Variants in GZMM observed in about 807,000 individuals in gnomAD.
GZMM encodes the protein HU-Met-1.
GZMM carries 23 observed loss-of-function variants against 19.2 expected under a neutral mutation model. The ratio of observed to expected loss-of-function variants is 1.20; its 90% CI spans 0.86 to 1.69. The LOEUF is 1.69. GZMM is among the 40% of genes most tolerant of loss of function. GZMM has a pLI of 0.00. For missense variants in GZMM, 373 were observed against 352.2 expected (o/e 1.06, Z -0.47); for synonymous variants, 178 against 160.2 (o/e 1.11, Z -0.84).
chr19:548,867 C>A, intron 3 of GZMM, 55 bp from the exon 4 acceptor site: 1 of 898,946 alleles, frequency 1.1e-6, no homozygotes, highest in East Asian at 2.9e-5. Flanking sequence ...CCGCCCCCCG[C>A]CCCCGCACTC....
chr19:545,198 C>T (rs2145857768), intron 1 of GZMM, among the ~76,000 whole-genome samples: 1 of 152,218 alleles, frequency 6.6e-6, no homozygotes, highest in East Asian at 1.9e-4. Flanking sequence ...AAGAGACAGG[C>T]CAGGCATGAG....
intron 1 of GZMM, among the ~76,000 whole-genome samples, chr19:545,125 C>T (rs1046503282): frequency 1.3e-5 from 2 of 151,014 alleles, no homozygotes; most frequent in South Asian, 2.1e-4. Context: ...TCCCGTGCTT[C>T]TGTGTATCCA....
In GZMM at chr19:548,650, C is replaced by G. The variant is rs752679367; in HGVS notation, c.321C>G (p.Ala107=). Residue 107 remains alanine, a synonymous_variant, in exon 3 of 5, where the codon GCC becomes GCG. Transcript: ENST00000264553. ...ACCCTCGCTACAAGCCCGTCCCTGC[C>G]CTGGAGAACGACCTCGCGCTGCTTC... The part of the protein sequence containing the change: ...IQHPRYKPVP[A]LENDLALLQL... The G allele has an allele frequency of 2.5e-6, 4 of 1,613,540 alleles. No homozygotes were observed. Among genetic ancestry groups the G allele is most frequent in the Non-Finnish European group, 3.4e-6 (4 of 1,179,784 alleles).
At position 547,343 on chromosome 19, in the gene GZMM, T is replaced by C. The variant is rs763964114; in HGVS notation, c.119T>C (p.Met40Thr). The change falls in exon 2 of 5, where the codon ATG becomes ACG. Residue 40 changes from methionine to threonine, a missense_variant. Physicochemically the swap from Met to Thr is moderately conservative, Grantham distance 81. Transcript: ENST00000264553. ...GTGATCCCCCACTCGCGCCCGTACA[T>C]GGCCTCACTGCAGAGAAATGGCTCC... ...REVIPHSRPY[M>T]ASLQRNGSHL... The C allele has an allele frequency of 7.0e-6, 11 of 1,579,388 alleles. No individual in the cohort carries two copies. The African/African-American group carries it at 9.6e-5, about 14-fold the overall frequency.
rs1173378316 is a variant in GZMM, at chr19:549,122, C to T, written c.549C>T (p.Asn183=). 17 of 1,580,466 alleles carry T rather than the reference C, an allele frequency of 1.1e-5. No individual in the cohort carries two copies. The South Asian group carries it at 1.2e-4, about 11-fold the overall frequency. ...TRMCNNSRFW[N]GSLSPSMVCL... is the part of the protein sequence containing the mutation. ...TGTGTAACAACAGCCGCTTCTGGAA[C>T]GGCAGCCTCTCCCCCAGCATGGTCT... Residue 183 remains asparagine, a synonymous_variant, in exon 4 of 5, where the codon AAC becomes AAT. Transcript: ENST00000264553.
At chr19:549,481 G>A (rs1980429293) in intron 4 of GZMM, 149 bp from the exon 5 acceptor site, 5 of 808,658 alleles carry the variant, frequency 6.2e-6, no homozygotes, top group African/African-American at 3.5e-5. Flanking sequence ...AGCGGGAGAT[G>A]GGGAGGGGAC....
Position 544,069 on chromosome 19 carries a change from G to T in GZMM, c.-3G>T, listed in dbSNP as rs776099449. The T allele has an allele frequency of 7.1e-6, 11 of 1,548,126 alleles. No individual in the cohort carries two copies. The Admixed American group carries it at 1.8e-4, about 25-fold the overall frequency. ...AGCACCCACACTGGGTCTCCACAGC[G>T]GCATGGAGGCCTGCGTGTCTTCACT... On this transcript the variant is annotated 5_prime_UTR_variant, in exon 1 of 5. Coordinates refer to ENST00000264553, the MANE Select transcript of GZMM (RefSeq NM_005317.4).
chr19:545,648 A>ATTT (rs1371255813), intron 1 of GZMM, among the ~76,000 whole-genome samples: 2 of 99,238 alleles, frequency 2.0e-5, no homozygotes, highest in African/African-American at 8.2e-5. Context: ...CGCCCGGCCT[A>ATTT]TTTTTTTTTT....
At chr19:547,563 C>T (rs1476559089) in intron 2 of GZMM, 127 bp downstream of exon 2, 1 of 690,332 alleles carries the variant, frequency 1.4e-6, no homozygotes, top group East Asian at 3.4e-5. Flanking sequence ...CCGGTGACGA[C>T]TTAGGCAGGT....
chr19:547,404 GGT>G lies in GZMM; in HGVS notation c.182_183del (p.Val61AlafsTer74), dbSNP rs755991300. 3.3e-6 allele frequency: 5 copies of G among 1,501,958 alleles called. No homozygotes were observed. Among genetic ancestry groups the G allele is most frequent in the Non-Finnish European group, 4.4e-6 (5 of 1,124,498 alleles). The allele number at this position is 1,501,958 out of a possible 1,614,324, so 93.0% of individuals were successfully genotyped here. A position where few individuals can be genotyped will look rare whatever the true frequency, so the allele number is the denominator to read the frequency against. ...CGGVLVHPKWVLTAAHCLAQR... is the reference protein window; with the variant it reads ...CGGVLVHPKWXLTAAHCLAQR... ...GGGGTGTCCTGGTGCACCCAAAGTG[GGT>G]GCTGACGGCTGCCCACTGCCTGGCC... On this transcript the variant is annotated frameshift_variant, in exon 2 of 5. Coordinates refer to ENST00000264553, the MANE Select transcript of GZMM (RefSeq NM_005317.4). LOFTEE classifies it high-confidence loss of function.
At chr19:546,412 G>A (rs747706923) in intron 1 of GZMM, among the ~76,000 whole-genome samples, 4 of 151,756 alleles carry the variant, frequency 2.6e-5, no homozygotes, top group Non-Finnish European at 2.9e-5. Flanking sequence ...GTGGTGATGC[G>A]CTTCTGTAAT....
In GZMM at chr19:547,223, C is replaced by T. The variant is rs146184990; in HGVS notation, c.56-57C>T. On this transcript the variant is annotated intron_variant, in intron 1 of 4. Transcript: ENST00000264553. ...CCTCTGAGCTGGGCAAGGACAGTCG[C>T]AGCAGGCAGCAGGGGCATGTAGCCC... is the stretch of plus-strand genomic sequence containing the variant. 1,588 of 1,418,498 alleles carry T rather than the reference C, an allele frequency of 1.1e-3. 17 individuals are homozygous for T. In the African/African-American group the frequency reaches 0.021, roughly 18 times the overall value. The allele number at this position is 1,418,498 out of a possible 1,614,324, so 87.9% of individuals were successfully genotyped here.
Position 547,276 on chromosome 19 carries a change from G to T in GZMM, c.56-4G>T. ...ACCTGGCTCTTTGTCCCCCATCCTG[G>T]CAGGCAGCTCCTTTGGGACCCAGAT... On this transcript the variant is annotated splice_polypyrimidine_tract_variant and splice_region_variant and intron_variant, in intron 1 of 4. Coordinates refer to ENST00000264553, the MANE Select transcript of GZMM (RefSeq NM_005317.4). 1 of 1,504,184 alleles carries T rather than the reference G, an allele frequency of 6.6e-7. No homozygotes were observed. Among genetic ancestry groups the T allele is most frequent in the Non-Finnish European group, 8.9e-7 (1 of 1,125,580 alleles). 93.2% of individuals were successfully genotyped at this position (1,504,184 alleles called of 1,614,324 possible). A position where few individuals can be genotyped will look rare whatever the true frequency, so the allele number is the denominator to read the frequency against.
At chr19:546,796 C>A (rs1044516280) in intron 1 of GZMM, among the ~76,000 whole-genome samples, 11 of 151,944 alleles carry the variant, frequency 7.2e-5, no homozygotes, top group Admixed American at 6.6e-4. Context: ...CGAGATCGTG[C>A]CATTGCACTC....
chr19:549,918 TCAGAGCC>T, exon 5 of GZMM: 1 of 740,280 alleles, frequency 1.4e-6, no homozygotes. Context: ...GAAGAAACGC[TCAGAGCC>T]CGCCTGAGTC....
chr19:547,266 C>T lies in GZMM; in HGVS notation c.56-14C>T, dbSNP rs962279423. The T allele has an allele frequency of 2.7e-6, 4 of 1,497,224 alleles. No individual in the cohort carries two copies. The East Asian group carries it at 7.7e-5, about 29-fold the overall frequency. The allele number at this position is 1,497,224 out of a possible 1,614,324, so 92.7% of individuals were successfully genotyped here. On this transcript the variant is annotated splice_polypyrimidine_tract_variant and intron_variant, in intron 1 of 4. Transcript: ENST00000264553. ...TGTAGCCCCAACCTGGCTCTTTGTC[C>T]CCCATCCTGGCAGGCAGCTCCTTTG...
In GZMM at chr19:549,073, A is replaced by G; in HGVS notation, c.500A>G (p.Asp167Gly). The change falls in exon 4 of 5, where the codon GAC becomes GGC. Residue 167 changes from aspartate to glycine, a missense_variant. Coordinates refer to ENST00000264553, the MANE Select transcript of GZMM (RefSeq NM_005317.4). ...GRLSRVLREL[D>G]LQVLDTRMCN... ...CTGTCCCGGGTGCTGCGGGAGCTGG[A>G]CCTCCAAGTGCTGGACACCCGCATG... 1 of 1,589,664 alleles carries G rather than the reference A, an allele frequency of 6.3e-7. No individual in the cohort carries two copies. Among genetic ancestry groups the G allele is most frequent in the Non-Finnish European group, 8.5e-7 (1 of 1,169,708 alleles).
In GZMM at chr19:544,069, G is replaced by C; in HGVS notation, c.-3G>C. ...AGCACCCACACTGGGTCTCCACAGC[G>C]GCATGGAGGCCTGCGTGTCTTCACT... On this transcript the variant is annotated 5_prime_UTR_variant, in exon 1 of 5. Coordinates refer to ENST00000264553, the MANE Select transcript of GZMM (RefSeq NM_005317.4). 6.5e-7 allele frequency: 1 copy of C among 1,548,126 alleles called. No homozygotes were observed. The highest frequency in any genetic ancestry group is 8.7e-7 in the Non-Finnish European group (1 of 1,146,750).
At chr19:548,858 C>G in intron 3 of GZMM, 64 bp from the exon 4 acceptor site, 2 of 657,988 alleles carry the variant, frequency 3.0e-6, no homozygotes, top group Non-Finnish European at 2.5e-6. Context: ...CCCCCGCTGC[C>G]GCCCCCCGCC....
Sources: gnomAD v4.1 joint callset for allele counts (sites outside exome capture counted in the v4.1 genomes callset) on GRCh38, gnomAD v4.1.1 for gene constraint, MANE v1.5 for transcripts, NCBI Gene and HGNC (gene_info 2026-07-23, HGNC 2026-07-21) for gene names.